Variants in RECK observed in about 807,000 individuals in gnomAD.
RECK encodes reversion inducing cysteine rich protein with kazal motifs.
Under a neutral mutation model 115.1 loss-of-function variants are expected in RECK, and 69 were observed. That is an observed-to-expected ratio of 0.60 (90% CI 0.49 to 0.73). The LOEUF is 0.73. Ranked by LOEUF, RECK falls within the 30% of genes least tolerant of loss-of-function variation. The probability of loss-of-function intolerance (pLI) is 0.00; values close to 1 mark genes in which losing one functional copy is unlikely to be tolerated. For missense variants in RECK, 1,047 were observed against 1,203.7 expected (o/e 0.87, Z 1.93); for synonymous variants, 414 against 419.7 (o/e 0.99, Z 0.17).
chr9:36,091,288 G>C lies in RECK; in HGVS notation c.1030G>C (p.Glu344Gln), dbSNP rs1287078516. 6.2e-7 allele frequency: 1 copy of C among 1,606,524 alleles called. No homozygotes were observed. Among genetic ancestry groups the C allele is most frequent in the Non-Finnish European group, 8.5e-7 (1 of 1,177,364 alleles). ...GTTGACCTGTTTAGCGGATGTCCGG[G>C]AACCTTGCCAGTTGGGCTGTAGAAA... ...SMLTCLADVR[E>Q]PCQLGCRNLT... The change falls in exon 10 of 21, where the codon GAA becomes CAA. Residue 344 changes from glutamate (E) to glutamine (Q), a missense_variant. Glu to Gln is a conservative substitution (Grantham distance 29). Coordinates refer to ENST00000377966, the MANE Select transcript of RECK (RefSeq NM_021111.3).
At chr9:36,112,215 C>A in intron 15 of RECK, 90 bp from the exon 16 acceptor site, 1 of 1,197,836 alleles carries the variant, frequency 8.3e-7, no homozygotes, top group Non-Finnish European at 1.2e-6. Context: ...GAGACCTTCA[C>A]ATGATTGCTC....
In RECK at chr9:36,049,693, C is replaced by T. The variant is rs1346800161; in HGVS notation, c.101-2572C>T. 3.3e-5 allele frequency among the ~76,000 whole-genome samples: 5 copies of T among 152,152 alleles called. No homozygotes were observed. The South Asian group carries it at 1.0e-3, about 32-fold the overall frequency. On this transcript the variant is annotated intron_variant, in intron 1 of 20. Coordinates refer to ENST00000377966, the MANE Select transcript of RECK (RefSeq NM_021111.3). ...GGGAAATTCCGGTGATTTAGAGTCTCCCTCCCAGGAACCAGGGAGAAAGGC... is the reference window on the plus strand; with the variant it reads ...GGGAAATTCCGGTGATTTAGAGTCTTCCTCCCAGGAACCAGGGAGAAAGGC...
At chr9:36,058,145 A>G (rs1164494410) in intron 2 of RECK, among the ~76,000 whole-genome samples, 1 of 151,078 alleles carries the variant, frequency 6.6e-6, no homozygotes, top group Non-Finnish European at 1.5e-5. Context: ...CAGCCATCCC[A>G]TTACTGGGTA....
chr9:36,113,529 T>G (rs1347916305), intron 16 of RECK, among the ~76,000 whole-genome samples: 1 of 152,248 alleles, frequency 6.6e-6, no homozygotes, highest in Non-Finnish European at 1.5e-5. Context: ...TTCATTTGTT[T>G]TATCCATTGG....
chr9:36,073,092 G>T (rs1822298635), intron 6 of RECK, among the ~76,000 whole-genome samples: 1 of 148,526 alleles, frequency 6.7e-6, no homozygotes, highest in East Asian at 2.0e-4. Context: ...ATGTACTTTT[G>T]ATGTTCCCTT....
rs376167480 is a variant in RECK, at chr9:36,123,039, T to C, written c.2910T>C (p.Tyr970=). ...TTGCCTTGCACTTGCTCTGGACATATAACTGACTGCCCACGGAAAGTGCAG... is the reference window on the plus strand; with the variant it reads ...TTGCCTTGCACTTGCTCTGGACATACAACTGACTGCCCACGGAAAGTGCAG... ...LGLALHLLWT[Y]N Residue 970 remains tyrosine (Y), a synonymous_variant, in exon 21 of 21, where the codon TAT becomes TAC. Transcript: ENST00000377966. 3 of 1,612,972 alleles carry C rather than the reference T, an allele frequency of 1.9e-6. No individual in the cohort carries two copies. Among genetic ancestry groups the C allele is most frequent in the Non-Finnish European group, 2.5e-6 (3 of 1,179,278 alleles).
chr9:36,113,332 G>T (rs1253569575), intron 16 of RECK, among the ~76,000 whole-genome samples: 2 of 152,184 alleles, frequency 1.3e-5, no homozygotes, highest in African/African-American at 4.8e-5. Flanking sequence ...TGGAGGGAGG[G>T]GGAGACTCTC....
chr9:36,050,434 G>A (rs1821241103), intron 1 of RECK, among the ~76,000 whole-genome samples: 1 of 152,072 alleles, frequency 6.6e-6, no homozygotes, highest in South Asian at 2.1e-4. Flanking sequence ...AATATATCCA[G>A]ATTCGGACTA....
At chr9:36,037,495 C>T (rs1314565508) in intron 1 of RECK, among the ~76,000 whole-genome samples, 1 of 151,862 alleles carries the variant, frequency 6.6e-6, no homozygotes, top group East Asian at 2.0e-4. Flanking sequence ...GTTATTGTTA[C>T]TTGTTACTTG....
rs1048969816 is a variant in RECK at position 36,065,652 on chromosome 9, T to C, written c.405+28T>C. The C allele has an allele frequency of 4.6e-6, 7 of 1,513,826 alleles. No homozygotes were observed. The Admixed American group carries it at 8.7e-5, about 19-fold the overall frequency. The allele number at this position is 1,513,826 out of a possible 1,614,324, so 93.8% of individuals were successfully genotyped here. ...ATGCATTTTATTTAACAAATGTGGA[T>C]AGCCTATTCAGATGTTATCAGAATT... On this transcript the variant is annotated intron_variant, in intron 6 of 20. Coordinates refer to ENST00000377966, the MANE Select transcript of RECK (RefSeq NM_021111.3).
chr9:36,081,122 C>T (rs964321333), intron 7 of RECK, among the ~76,000 whole-genome samples: 7 of 151,880 alleles, frequency 4.6e-5, no homozygotes, highest in African/African-American at 1.7e-4. Context: ...TAGCTGATCC[C>T]GGGCATGAAG....
intron 2 of RECK, among the ~76,000 whole-genome samples, chr9:36,053,397 T>G (rs2132566020): frequency 6.6e-6 from 1 of 152,292 alleles, no homozygotes; most frequent in South Asian, 2.1e-4. Flanking sequence ...ACTACTTAAC[T>G]GGGACTATAA....
At chr9:36,042,257 A>T (rs1820897119) in intron 1 of RECK, among the ~76,000 whole-genome samples, 1 of 151,922 alleles carries the variant, frequency 6.6e-6, no homozygotes, top group South Asian at 2.1e-4. Context: ...TATTGTTCTT[A>T]TGCCTTTGTG....
rs191941080 is a variant in RECK at position 36,090,104 on chromosome 9, C to T, written c.906-1060C>T. Among the ~76,000 whole-genome samples the T allele has an allele frequency of 2.6e-5, 4 of 152,032 alleles. No homozygotes were observed. In the East Asian group the frequency reaches 5.8e-4, roughly 22 times the overall value. On this transcript the variant is annotated intron_variant, in intron 9 of 20. Transcript: ENST00000377966. ...CCAGGAGGCAGAGGCTGCAGTCAGC[C>T]GAGATCACGCCACTGCACTCCAGAC...
chr9:36,117,544 A>G (rs995791992), intron 17 of RECK, among the ~76,000 whole-genome samples: 1 of 152,246 alleles, frequency 6.6e-6, no homozygotes, highest in South Asian at 2.1e-4. Flanking sequence ...GTCAAAACCA[A>G]GAAAAGTTTT....
chr9:36,084,768 C>T (rs1019072753), intron 8 of RECK, among the ~76,000 whole-genome samples: 4 of 151,804 alleles, frequency 2.6e-5, no homozygotes, highest in African/African-American at 9.7e-5. Context: ...TAGGCCCGTC[C>T]GAGTTGGCCA....
At chr9:36,082,693 T>C (rs921729532) in intron 7 of RECK, among the ~76,000 whole-genome samples, 4 of 152,226 alleles carry the variant, frequency 2.6e-5, no homozygotes, top group African/African-American at 4.8e-5. Flanking sequence ...TTTTCAGTGT[T>C]GAAGCAGGAC....
intron 4 of RECK, among the ~76,000 whole-genome samples, chr9:36,061,722 G>A (rs1374941678): frequency 6.6e-6 from 1 of 152,164 alleles, no homozygotes; most frequent in Non-Finnish European, 1.5e-5. Flanking sequence ...AAGCAGCAAA[G>A]ATTTAGAAGA....
intron 20 of RECK, 66 bp downstream of exon 20, chr9:36,121,754 G>A: frequency 6.5e-7 from 1 of 1,534,628 alleles, no homozygotes; most frequent in South Asian, 1.2e-5. Context: ...AGGAGGGAGT[G>A]GGCACAAACT....
Sources: gnomAD v4.1 joint callset for allele counts (sites outside exome capture counted in the v4.1 genomes callset) on GRCh38, gnomAD v4.1.1 for gene constraint, MANE v1.5 for transcripts, NCBI Gene and HGNC (gene_info 2026-07-23, HGNC 2026-07-21) for gene names.